Variants in CSMD3 observed in about 807,000 individuals in gnomAD.
The protein encoded by CSMD3 is CUB and sushi domain-containing protein 3.
Under a neutral mutation model 435.2 loss-of-function variants are expected in CSMD3, and 177 were observed. That is an observed-to-expected ratio of 0.41 (90% CI 0.36 to 0.46). CSMD3 has a LOEUF of 0.46. Among genes scored for constraint, CSMD3 ranks in the 20% least tolerant of loss-of-function variants. CSMD3 has a pLI of 0.34. For missense variants in CSMD3, 4,265 were observed against 4,504.6 expected (o/e 0.95, Z 1.52); for synonymous variants, 1,656 against 1,520.5 (o/e 1.09, Z -2.07).
intron 1 of CSMD3, among the ~76,000 whole-genome samples, chr8:113,374,315 T>C (rs992917702): frequency 3.3e-5 from 5 of 152,110 alleles, no homozygotes; most frequent in African/African-American, 1.2e-4. Flanking sequence ...TAAACCTATA[T>C]GAAGAATACA....
intron 6 of CSMD3, among the ~76,000 whole-genome samples, chr8:112,993,650 T>A (rs1251992754): frequency 6.6e-6 from 1 of 151,610 alleles, no homozygotes. Context: ...ACCCATAAAT[T>A]AACAAAGAAA....
chr8:112,933,791 G>A (rs2083193584), intron 9 of CSMD3, among the ~76,000 whole-genome samples: 1 of 152,100 alleles, frequency 6.6e-6, no homozygotes, highest in African/African-American at 2.4e-5. Context: ...GCCTGAGCTA[G>A]TGAGGGGGTA....
At chr8:112,673,153 G>A (rs1415847683) in intron 16 of CSMD3, among the ~76,000 whole-genome samples, 2 of 151,762 alleles carry the variant, frequency 1.3e-5, no homozygotes, top group Non-Finnish European at 2.9e-5. Context: ...ATCAGACAAT[G>A]ACAGTTCCAT....
chr8:112,611,539 G>A (rs1488747750), intron 22 of CSMD3, among the ~76,000 whole-genome samples: 3 of 152,100 alleles, frequency 2.0e-5, no homozygotes, highest in Admixed American at 2.0e-4. Flanking sequence ...AATAAATAAT[G>A]AGAAGCATGA....
At chr8:112,539,917 A>G (rs760733702) in intron 27 of CSMD3, among the ~76,000 whole-genome samples, 1 of 152,102 alleles carries the variant, frequency 6.6e-6, no homozygotes, top group Non-Finnish European at 1.5e-5. Flanking sequence ...ATCAAACTAA[A>G]CAGCTTCTGT....
At chr8:113,221,123 C>T (rs762346135) in intron 3 of CSMD3, among the ~76,000 whole-genome samples, 1 of 150,914 alleles carries the variant, frequency 6.6e-6, no homozygotes, top group Admixed American at 6.7e-5. Flanking sequence ...GGATCTTGTA[C>T]TGGAGATTTA....
At chr8:112,880,693 T>C (rs1235192512) in intron 10 of CSMD3, among the ~76,000 whole-genome samples, 2 of 152,024 alleles carry the variant, frequency 1.3e-5, no homozygotes, top group Non-Finnish European at 2.9e-5. Context: ...AAGGGGGTCA[T>C]ATATGATAGG....
At chr8:113,327,448 GA>G (rs2093991540) in intron 1 of CSMD3, among the ~76,000 whole-genome samples, 1 of 151,936 alleles carries the variant, frequency 6.6e-6, no homozygotes, top group Non-Finnish European at 1.5e-5. Flanking sequence ...TTTTTTTCAA[GA>G]AAAACTGCTG....
At chr8:112,290,737 G>A (rs1008812919) in intron 56 of CSMD3, among the ~76,000 whole-genome samples, 6 of 151,864 alleles carry the variant, frequency 4.0e-5, no homozygotes, top group Non-Finnish European at 7.4e-5. Context: ...TTCTTCACAC[G>A]CTATTCATTC....
intron 1 of CSMD3, among the ~76,000 whole-genome samples, chr8:113,333,848 A>C (rs1480871334): frequency 6.6e-6 from 1 of 151,892 alleles, no homozygotes; most frequent in Non-Finnish European, 1.5e-5. Context: ...TAAATTTATA[A>C]GTAAATTTGG....
intron 3 of CSMD3, among the ~76,000 whole-genome samples, chr8:113,275,586 T>C (rs575770389): frequency 6.6e-6 from 1 of 152,066 alleles, no homozygotes; most frequent in Admixed American, 6.6e-5. Flanking sequence ...TAAATACTAA[T>C]ACACAAGGAC....
At chr8:112,950,952 A>G (rs554533010) in intron 8 of CSMD3, among the ~76,000 whole-genome samples, 45 of 152,058 alleles carry the variant, frequency 3.0e-4, no homozygotes, top group Middle Eastern at 3.4e-3. Flanking sequence ...TTGTCAAGTT[A>G]TTTCTGTCTG....
At chr8:112,591,551 T>A (rs527962549) in intron 22 of CSMD3, among the ~76,000 whole-genome samples, 87 of 152,254 alleles carry the variant, frequency 5.7e-4, no homozygotes, top group African/African-American at 2.0e-3. Flanking sequence ...GTTACTTTTT[T>A]AAAAATGTGC....
intron 3 of CSMD3, among the ~76,000 whole-genome samples, chr8:113,212,630 T>C (rs2092850564): frequency 6.6e-6 from 1 of 151,380 alleles, no homozygotes; most frequent in African/African-American, 2.4e-5. Context: ...CAGCAAACTA[T>C]CACAAGGACA....
At chr8:112,402,916 T>C (rs1161035466) in intron 35 of CSMD3, among the ~76,000 whole-genome samples, 1 of 152,164 alleles carries the variant, frequency 6.6e-6, no homozygotes, top group Non-Finnish European at 1.5e-5. Context: ...TAACATTTCA[T>C]GAGTATGAAG....
At chr8:112,846,451 T>TG (rs1462786718) in intron 11 of CSMD3, among the ~76,000 whole-genome samples, 1 of 151,574 alleles carries the variant, frequency 6.6e-6, no homozygotes, top group Non-Finnish European at 1.5e-5. Flanking sequence ...TCACCCAGGC[T>TG]GGAATGCAGC....
At chr8:113,348,888 T>C (rs1470466368) in intron 1 of CSMD3, among the ~76,000 whole-genome samples, 1 of 152,116 alleles carries the variant, frequency 6.6e-6, no homozygotes, top group African/African-American at 2.4e-5. Flanking sequence ...GCAAAAACTC[T>C]GTATAATTCT....
intron 27 of CSMD3, among the ~76,000 whole-genome samples, chr8:112,537,152 TA>T (rs1826188738): frequency 6.6e-6 from 1 of 151,822 alleles, no homozygotes; most frequent in Admixed American, 6.6e-5. Context: ...ACATGTACCC[TA>T]AAACTTAAAG....
chr8:112,963,763 T>A (rs531360894), intron 7 of CSMD3, among the ~76,000 whole-genome samples: 1 of 151,854 alleles, frequency 6.6e-6, no homozygotes, highest in Non-Finnish European at 1.5e-5. Context: ...CTGAGATGAG[T>A]TGAATGTTAC....
Sources: allele counts gnomAD v4.1 joint callset (sites outside exome capture counted in the v4.1 genomes callset), GRCh38; gene constraint gnomAD v4.1.1; transcripts MANE v1.5; gene names NCBI Gene and HGNC (gene_info 2026-07-23, HGNC 2026-07-21).